Variants in TAF1 observed in about 807,000 individuals in gnomAD.
TAF1 encodes the protein TATA-box binding protein associated factor 1, also known as transcription initiation factor TFIID subunit 1.
A neutral mutation model predicts 138.5 loss-of-function variants in TAF1; 2 were observed. The observed-to-expected ratio is 0.01, with a 90% CI of 0.01 to 0.05. The LOEUF is 0.05. TAF1 is among the 10% of genes least tolerant of loss of function. The pLI is 1.00. For missense variants in TAF1, 709 were observed against 1,478.0 expected, an observed-to-expected ratio of 0.48 and a Z score of 8.53; for synonymous variants, 437 against 503.2, an observed-to-expected ratio of 0.87 and a Z score of 1.76.
intron 3 of TAF1, among the ~76,000 whole-genome samples, chrX:71,374,633 G>A (rs772388872): frequency 2.4e-4 from 26 of 109,736 alleles, no homozygotes; most frequent in Admixed American, 4.9e-4. Flanking sequence ...TTTTTGTAGA[G>A]ATGGGGTTTC....
Position 71,382,972 on chromosome X carries a change from C to T in TAF1, c.1774-19C>T. 2 of 1,199,742 alleles carry T rather than the reference C, an allele frequency of 1.7e-6. No homozygotes were observed. The highest frequency in any genetic ancestry group is 2.2e-6 in the Non-Finnish European group (2 of 890,143). On this transcript the variant is annotated intron_variant, in intron 11 of 37. Coordinates refer to ENST00000423759, the MANE Select transcript of TAF1 (RefSeq NM_004606.5). ...AGGATGGAATTAGCTAATTTTAACC[C>T]TTCTATTTCCTGTTTTAGCATTCAA...
intron 35 of TAF1, 145 bp from the exon 36 acceptor site, chrX:71,459,407 T>G (rs2038449045): frequency 2.0e-6 from 2 of 1,010,590 alleles, no homozygotes; most frequent in East Asian, 7.0e-5. Flanking sequence ...AAACAGTCTA[T>G]CCACCAAAAA....
chrX:71,391,066 A>T (rs2034535444), intron 18 of TAF1, among the ~76,000 whole-genome samples: 1 of 110,752 alleles, frequency 9.0e-6, no homozygotes, highest in African/African-American at 3.3e-5. Flanking sequence ...TCCTAGGCTC[A>T]AACGATCGTC....
chrX:71,517,969 A>G (rs1602105069), intron 13 of TAF1, among the ~76,000 whole-genome samples: 1 of 109,976 alleles, frequency 9.1e-6, no homozygotes, highest in African/African-American at 3.3e-5. Flanking sequence ...TTAAATAAAA[A>G]TTAAAAAATT....
At chrX:71,492,660 C>T in intron 13 of TAF1, 1 of 120,740 alleles carries the variant, frequency 8.3e-6, no homozygotes, top group Non-Finnish European at 1.7e-5. Flanking sequence ...CGGATCAGGG[C>T]CCGCTGGGCG....
chrX:71,489,573 G>T (rs2039237683), intron 13 of TAF1, among the ~76,000 whole-genome samples: 3 of 110,409 alleles, frequency 2.7e-5, no homozygotes, highest in Admixed American at 9.6e-5. Context: ...CTACTTGGGA[G>T]GGTGAGGCAG....
intron 32 of TAF1, among the ~76,000 whole-genome samples, chrX:71,443,647 C>T (rs1489655025): frequency 8.9e-6 from 1 of 111,840 alleles, no homozygotes; most frequent in African/African-American, 3.3e-5. Context: ...AATTGAATAT[C>T]CTTTATTTCT....
intron 13 of TAF1, among the ~76,000 whole-genome samples, chrX:71,504,503 T>C (rs768769303): frequency 4.7e-4 from 51 of 109,329 alleles, no homozygotes; most frequent in Non-Finnish European, 6.1e-4. Flanking sequence ...TCAGGAGCCA[T>C]GTGCCATGGT....
intron 22 of TAF1, among the ~76,000 whole-genome samples, chrX:71,396,603 TA>T (rs2034866044): frequency 1.8e-5 from 2 of 112,051 alleles, no homozygotes; most frequent in African/African-American, 3.2e-5. Context: ...TGTGTGCTTT[TA>T]TCTGTAATGT....
At chrX:71,482,863 C>A (rs1226644594) in intron 13 of TAF1, among the ~76,000 whole-genome samples, 1 of 112,604 alleles carries the variant, frequency 8.9e-6, no homozygotes, top group Admixed American at 9.5e-5. Context: ...GGGAGTCAAT[C>A]CTCGCCAGCT....
chrX:71,447,924 C>T (rs1324562084), intron 32 of TAF1, among the ~76,000 whole-genome samples: 4 of 111,350 alleles, frequency 3.6e-5, no homozygotes, highest in African/African-American at 1.3e-4. Flanking sequence ...CCCTACCGCT[C>T]CTTATTTGGT....
At chrX:71,399,236 G>A (rs963769130) in intron 24 of TAF1, among the ~76,000 whole-genome samples, 2 of 106,330 alleles carry the variant, frequency 1.9e-5, no homozygotes, top group Non-Finnish European at 3.9e-5. Context: ...CACCATGCCC[G>A]GCTTGTCATT....
chrX:71,386,956 G>A lies in TAF1; in HGVS notation c.2227-305G>A, dbSNP rs2034268438. On this transcript the variant is annotated intron_variant, in intron 14 of 37. Transcript: ENST00000423759. ...TAAGTATCTCTGTTTTGTAGATGAG[G>A]AAAACTAAACTTAGACATGTTAAAT... The A allele has an allele frequency of 1.1e-5, 3 of 263,196 alleles. No homozygotes were observed. In the East Asian group the frequency reaches 2.5e-4, roughly 22 times the overall value. The allele number at this position is 263,196 out of a possible 1,213,427, so 21.7% of individuals were successfully genotyped here.
downstream of TAF1, among the ~76,000 whole-genome samples, chrX:71,467,226 A>C (rs189145387): frequency 9.2e-6 from 1 of 109,207 alleles, no homozygotes; most frequent in African/African-American, 3.3e-5. Flanking sequence ...TTTCCTAGGC[A>C]GAGGACCCTG....
intron 13 of TAF1, among the ~76,000 whole-genome samples, chrX:71,486,686 C>A (rs28888517): frequency 9.0e-6 from 1 of 110,605 alleles, no homozygotes; most frequent in Admixed American, 9.6e-5. Context: ...TCTTTACTTG[C>A]TGTAAGTCTA....
intron 32 of TAF1, chrX:71,441,707 G>C: frequency 3.6e-6 from 1 of 281,636 alleles, no homozygotes; most frequent in Non-Finnish European, 6.6e-6. Flanking sequence ...TAGGGTACAT[G>C]TGCACAACGT....
intron 13 of TAF1, among the ~76,000 whole-genome samples, chrX:71,482,709 G>A (rs947160421): frequency 8.9e-6 from 1 of 111,908 alleles, no homozygotes; most frequent in Non-Finnish European, 1.9e-5. Flanking sequence ...GTTGCTGAAG[G>A]TTGGGGTGGC....
At chrX:71,459,370 A>G (rs753638208) in intron 35 of TAF1, 182 bp from the exon 36 acceptor site, 4 of 1,006,198 alleles carry the variant, frequency 4.0e-6, no homozygotes, top group East Asian at 6.5e-5. Context: ...GTGAGCCCCA[A>G]TCTGACTTTA....
rs1060499594 is a variant in TAF1 at position 71,421,351 on chromosome X, A to T, written c.4427A>T (p.Asp1476Val). Reference sequence around the variant, plus strand: ...ACTCAGATCTCTCAATCCATGCTGGATCTCTGTGATGAAAAACTCAAAGAG... The same window carrying T: ...ACTCAGATCTCTCAATCCATGCTGGTTCTCTGTGATGAAAAACTCAAAGAG... ...SLTQISQSML[D>V]LCDEKLKEKE... Residue 1476 changes from aspartate (D) to valine (V), a missense_variant, in exon 29 of 38, where the codon GAT becomes GTT. Coordinates refer to ENST00000423759, the MANE Select transcript of TAF1 (RefSeq NM_004606.5). 2 of 1,179,807 alleles carry T rather than the reference A, an allele frequency of 1.7e-6. No individual in the cohort carries two copies. Among genetic ancestry groups the T allele is most frequent in the African/African-American group, 3.6e-5 (2 of 55,267 alleles).
Sources: gnomAD v4.1 joint callset for allele counts (sites outside exome capture counted in the v4.1 genomes callset) on GRCh38, gnomAD v4.1.1 for gene constraint, MANE v1.5 for transcripts, NCBI Gene and HGNC (gene_info 2026-07-23, HGNC 2026-07-21) for gene names.